DPYD: variants seen among roughly 807,000 people sequenced by gnomAD.
DPYD encodes the protein dihydropyrimidine dehydrogenase.
In DPYD, 109 loss-of-function variants were observed where a neutral mutation model predicts 116.2. That is an observed-to-expected ratio of 0.94 (90% CI 0.80 to 1.10). DPYD has a LOEUF of 1.10. Among genes scored for constraint, DPYD ranks in the 50% least tolerant of loss-of-function variants. DPYD has a pLI of 0.00. For missense variants in DPYD, 1,302 were observed against 1,254.5 expected (o/e 1.04, Z -0.57); for synonymous variants, 440 against 432.0 (o/e 1.02, Z -0.23).
At chr1:97,493,806 C>T (rs1679105811) in intron 13 of DPYD, among the ~76,000 whole-genome samples, 1 of 152,092 alleles carries the variant, frequency 6.6e-6, no homozygotes, top group South Asian at 2.1e-4. Context: ...TAAATTCTAC[C>T]CGCAGCAAAA....
chr1:97,412,613 T>C (rs1002494694), intron 14 of DPYD, among the ~76,000 whole-genome samples: 1 of 152,214 alleles, frequency 6.6e-6, no homozygotes, highest in Non-Finnish European at 1.5e-5. Context: ...TTAGAAATTA[T>C]TATATGAAAG....
At chr1:97,910,989 T>C (rs947626098) in intron 1 of DPYD, among the ~76,000 whole-genome samples, 20 of 152,110 alleles carry the variant, frequency 1.3e-4, no homozygotes, top group Non-Finnish European at 2.8e-4. Flanking sequence ...TATTTTAAAA[T>C]GTGGAAAAAT....
At chr1:97,717,322 T>C (rs936502035) in intron 5 of DPYD, among the ~76,000 whole-genome samples, 2 of 152,074 alleles carry the variant, frequency 1.3e-5, no homozygotes, top group African/African-American at 4.8e-5. Context: ...AAAAAATGTT[T>C]AAAAACATAA....
intron 13 of DPYD, among the ~76,000 whole-genome samples, chr1:97,485,779 T>C (rs1403648809): frequency 6.6e-6 from 1 of 152,164 alleles, no homozygotes. Flanking sequence ...TGCCCCCAGA[T>C]AGTTTCAGAT....
Position 97,293,630 on chromosome 1 carries a change from G to A in DPYD, c.2299+11629C>T, listed in dbSNP as rs370750508. Reference sequence around the variant, plus strand: ...TTCCAAAGCTCAACAGCAAAATCAAGATGGCTGGCAAAGATTAAAAGTCAG... The same window carrying A: ...TTCCAAAGCTCAACAGCAAAATCAAAATGGCTGGCAAAGATTAAAAGTCAG... On this transcript the variant is annotated intron_variant, in intron 18 of 22. Coordinates refer to ENST00000370192, the MANE Select transcript of DPYD (RefSeq NM_000110.4). 1.8e-4 allele frequency among the ~76,000 whole-genome samples: 27 copies of A among 152,212 alleles called. No homozygotes were observed. In the South Asian group the frequency reaches 5.4e-3, roughly 30 times the overall value.
chr1:97,513,103 C>T (rs1330616617), intron 13 of DPYD, among the ~76,000 whole-genome samples: 1 of 151,684 alleles, frequency 6.6e-6, no homozygotes, highest in Non-Finnish European at 1.5e-5. Flanking sequence ...ACTGGCATTT[C>T]ACTGTAAGTC....
At chr1:97,458,493 C>T (rs1676826234) in intron 13 of DPYD, among the ~76,000 whole-genome samples, 1 of 152,110 alleles carries the variant, frequency 6.6e-6, no homozygotes, top group Non-Finnish European at 1.5e-5. Context: ...CAGAGATTCA[C>T]AAGGGCAAAC....
chr1:97,397,610 A>T (rs1673088185), intron 14 of DPYD, among the ~76,000 whole-genome samples: 2 of 152,078 alleles, frequency 1.3e-5, no homozygotes, highest in African/African-American at 2.4e-5. Flanking sequence ...TATAATTGGA[A>T]TCACACAGTA....
chr1:97,289,290 C>A (rs554331966), intron 18 of DPYD, among the ~76,000 whole-genome samples: 1 of 152,084 alleles, frequency 6.6e-6, no homozygotes, highest in East Asian at 1.9e-4. Context: ...CCTTCTGAAA[C>A]TATTCCAATC....
chr1:97,477,389 T>C (rs542431712), intron 13 of DPYD, among the ~76,000 whole-genome samples: 1 of 152,330 alleles, frequency 6.6e-6, no homozygotes, highest in South Asian at 2.1e-4. Context: ...TATCTTGCTA[T>C]TTCTAACATA....
chr1:97,116,062 A>C (rs1270878699), intron 20 of DPYD, among the ~76,000 whole-genome samples: 1 of 152,212 alleles, frequency 6.6e-6, no homozygotes, highest in Non-Finnish European at 1.5e-5. Context: ...CTATAATGTT[A>C]GCTTTTATTA....
rs578141924 is a variant in DPYD, at chr1:97,367,275, CT to C, written c.2058+6285del. ...GTTGAAACAGAAACAAAGCCTCTCT[CT>C]TTTTTTTAAAAAAAAAAACATACAG... On this transcript the variant is annotated intron_variant, in intron 16 of 22. Coordinates refer to ENST00000370192, the MANE Select transcript of DPYD (RefSeq NM_000110.4). Among the ~76,000 whole-genome samples the C allele has an allele frequency of 2.7e-4, 40 of 150,042 alleles. 1 individual carries two copies. The highest frequency in any genetic ancestry group is 7.4e-4 in the African/African-American group (30 of 40,816).
At chr1:97,740,064 T>C (rs1387252217) in intron 4 of DPYD, among the ~76,000 whole-genome samples, 4 of 152,162 alleles carry the variant, frequency 2.6e-5, no homozygotes, top group Non-Finnish European at 4.4e-5. Context: ...ATCATAAATG[T>C]GTTTTGATGA....
intron 14 of DPYD, among the ~76,000 whole-genome samples, chr1:97,419,839 C>T (rs1412708197): frequency 6.6e-6 from 1 of 152,084 alleles, no homozygotes; most frequent in Non-Finnish European, 1.5e-5. Context: ...AATTTTATTG[C>T]TATGTTCAAA....
chr1:97,513,975 T>C (rs1214784237), intron 13 of DPYD, among the ~76,000 whole-genome samples: 1 of 151,858 alleles, frequency 6.6e-6, no homozygotes, highest in Non-Finnish European at 1.5e-5. Flanking sequence ...CAGAAATATG[T>C]TTAAAATAGT....
chr1:97,685,581 T>A (rs1660679077), intron 7 of DPYD, among the ~76,000 whole-genome samples: 1 of 152,134 alleles, frequency 6.6e-6, no homozygotes, highest in Non-Finnish European at 1.5e-5. Context: ...TGATCCCATA[T>A]CTAGAAAGCC....
At chr1:97,313,433 A>T (rs990964860) in intron 16 of DPYD, among the ~76,000 whole-genome samples, 6 of 151,882 alleles carry the variant, frequency 4.0e-5, no homozygotes, top group African/African-American at 1.4e-4. Context: ...AATGCATACA[A>T]CAAACACATA....
chr1:97,490,502 T>C (rs1047873203), intron 13 of DPYD, among the ~76,000 whole-genome samples: 16 of 147,966 alleles, frequency 1.1e-4, no homozygotes, highest in African/African-American at 3.7e-4. Flanking sequence ...TACTAATAAT[T>C]ATATTAATAA....
chr1:97,128,198 G>T (rs1032307969), intron 20 of DPYD, among the ~76,000 whole-genome samples: 2 of 152,146 alleles, frequency 1.3e-5, no homozygotes, highest in African/African-American at 2.4e-5. Flanking sequence ...AAGATGCAAT[G>T]CAATAAGTTT....
Sources: gnomAD v4.1 joint callset for allele counts (sites outside exome capture counted in the v4.1 genomes callset) on GRCh38, gnomAD v4.1.1 for gene constraint, MANE v1.5 for transcripts, NCBI Gene and HGNC (gene_info 2026-07-23, HGNC 2026-07-21) for gene names.